The following PCDH7 variants were observed in gnomAD, a reference collection of about 807,000 sequenced individuals.
PCDH7 encodes the protein protocadherin 7.
PCDH7 carries 17 observed loss-of-function variants against 58.9 expected under a neutral mutation model. The observed-to-expected ratio is 0.29, with a 90% CI of 0.20 to 0.43. PCDH7 has a LOEUF of 0.43. Ranked by LOEUF, PCDH7 falls within the 20% of genes least tolerant of loss-of-function variation. The pLI, the probability that PCDH7 is intolerant of heterozygous loss-of-function variation, is 1.00. For missense variants in PCDH7, 1,274 were observed against 1,441.0 expected, an observed-to-expected ratio of 0.88 and a Z score of 1.88; for synonymous variants, 664 against 616.4, an observed-to-expected ratio of 1.08 and a Z score of -1.14.
intron 1 of PCDH7, among the ~76,000 whole-genome samples, chr4:30,881,999 T>C (rs1737031015): frequency 6.6e-6 from 1 of 152,136 alleles, no homozygotes; most frequent in Admixed American, 6.6e-5. Context: ...ACATGAGTCT[T>C]ATTGTAGATG....
At chr4:30,849,647 A>T (rs878861279) in intron 1 of PCDH7, among the ~76,000 whole-genome samples, 1 of 152,098 alleles carries the variant, frequency 6.6e-6, no homozygotes, top group Non-Finnish European at 1.5e-5. Context: ...TTTGTGTGTA[A>T]AATATAAACC....
At chr4:30,904,693 G>A (rs1035921508) in intron 1 of PCDH7, among the ~76,000 whole-genome samples, 7 of 152,236 alleles carry the variant, frequency 4.6e-5, no homozygotes, top group East Asian at 1.9e-4. Flanking sequence ...TATGCTCGGC[G>A]TTGAATATAT....
chr4:30,944,669 A>G (rs1746458519), intron 2 of PCDH7, among the ~76,000 whole-genome samples: 3 of 152,198 alleles, frequency 2.0e-5, no homozygotes, highest in Admixed American at 6.5e-5. Flanking sequence ...TTATTCTAAC[A>G]AACAACTGTA....
intron 1 of PCDH7, among the ~76,000 whole-genome samples, chr4:30,759,917 G>T (rs1719805184): frequency 6.6e-6 from 1 of 152,076 alleles, no homozygotes; most frequent in East Asian, 1.9e-4. Context: ...GTTTCTCTTG[G>T]TTTGGGCTCT....
chr4:31,105,695 A>C (rs1715464160), intron 3 of PCDH7, among the ~76,000 whole-genome samples: 1 of 152,156 alleles, frequency 6.6e-6, no homozygotes, highest in African/African-American at 2.4e-5. Context: ...TCATTCTATG[A>C]ATGTAAGCAC....
intron 3 of PCDH7, among the ~76,000 whole-genome samples, chr4:31,029,577 C>T (rs1257757410): frequency 2.0e-5 from 3 of 152,212 alleles, no homozygotes; most frequent in East Asian, 3.8e-4. Context: ...CAAGTCTTGG[C>T]TCATAGCTCT....
At chr4:31,081,872 A>G (rs1231010119) in intron 3 of PCDH7, among the ~76,000 whole-genome samples, 1 of 151,506 alleles carries the variant, frequency 6.6e-6, no homozygotes, top group Non-Finnish European at 1.5e-5. Context: ...TCCTGGGTTC[A>G]AGCAATTCTG....
intron 1 of PCDH7, among the ~76,000 whole-genome samples, chr4:30,807,497 T>C (rs748942549): frequency 5.3e-5 from 8 of 152,162 alleles, no homozygotes; most frequent in African/African-American, 9.7e-5. Context: ...CGGATGAGGA[T>C]ATTGGGCTTT....
At chr4:30,914,650 A>C (rs932476964) in intron 1 of PCDH7, among the ~76,000 whole-genome samples, 1 of 152,232 alleles carries the variant, frequency 6.6e-6, no homozygotes, top group Non-Finnish European at 1.5e-5. Flanking sequence ...TTTCTTAAAA[A>C]GCATCAAAAC....
At chr4:30,926,016 G>T (rs907048963) in intron 2 of PCDH7, 3 of 152,096 alleles carry the variant, frequency 2.0e-5, no homozygotes, top group Admixed American at 6.5e-5. Flanking sequence ...CTTAGCTTCA[G>T]TTTGTTCAAT....
At chr4:30,860,292 T>C (rs1734030651) in intron 1 of PCDH7, among the ~76,000 whole-genome samples, 1 of 152,098 alleles carries the variant, frequency 6.6e-6, no homozygotes, top group Non-Finnish European at 1.5e-5. Context: ...CCTAAGGGGA[T>C]AAAAGAATTC....
chr4:30,991,658 G>A (rs1261525135), intron 3 of PCDH7, among the ~76,000 whole-genome samples: 1 of 152,080 alleles, frequency 6.6e-6, no homozygotes, highest in Non-Finnish European at 1.5e-5. Flanking sequence ...ATTTGAAATT[G>A]ACACCAAAGA....
rs375802460 is a variant in PCDH7, at chr4:31,076,617, C to T, written c.*8-65856C>T. On this transcript the variant is annotated intron_variant, in intron 3 of 3. Coordinates refer to the PCDH7 transcript ENST00000509759. ...AATTCTAAGAAAGCTACATTTTATT[C>T]TTATTTCTCAAAATCCCCATATGCC... 2.6e-5 allele frequency among the ~76,000 whole-genome samples: 4 copies of T among 152,248 alleles called. No homozygotes were observed. The South Asian group carries it at 8.3e-4, about 32-fold the overall frequency.
At position 31,040,912 on chromosome 4, in the gene PCDH7, GA is replaced by G. The variant is rs528837046; in HGVS notation, c.*7+90709del. Among the ~76,000 whole-genome samples, 347 of 142,810 alleles carry G rather than the reference GA, an allele frequency of 2.4e-3. 2 individuals carry two copies. Among genetic ancestry groups the G allele is most frequent in the South Asian group, 0.02 (91 of 4,572 alleles). The allele number at this position is 142,810 out of a possible 152,430, so 93.7% of individuals were successfully genotyped here. ...ACCATTCAAATGATGTGTGTGCTGA[GA>G]AAAAAAAAAAATCCTGGACCAGAAA... On this transcript the variant is annotated intron_variant, in intron 3 of 3. Transcript: ENST00000509759.
intron 1 of PCDH7, among the ~76,000 whole-genome samples, chr4:30,804,968 G>C (rs956959751): frequency 6.6e-6 from 1 of 152,114 alleles, no homozygotes; most frequent in Non-Finnish European, 1.5e-5. Context: ...CTACTCCACT[G>C]ACGTGGCCCT....
At chr4:31,017,886 T>C (rs960830907) in intron 3 of PCDH7, among the ~76,000 whole-genome samples, 34 of 152,160 alleles carry the variant, frequency 2.2e-4, no homozygotes, top group South Asian at 4.1e-4. Context: ...AATACAGGAC[T>C]TCTTTTTTTT....
At chr4:31,113,581 T>G (rs558015661) in intron 3 of PCDH7, among the ~76,000 whole-genome samples, 6 of 152,268 alleles carry the variant, frequency 3.9e-5, no homozygotes, top group Admixed American at 2.0e-4. Context: ...TACCCATGTA[T>G]AGTCTCACGC....
chr4:30,754,764 CT>C (rs55976051), intron 1 of PCDH7, among the ~76,000 whole-genome samples: 144,937 of 152,004 alleles, frequency 0.95, 69,225 homozygotes, highest in Middle Eastern at 0.99. Context: ...CTTATATGTA[CT>C]TTTTTTTTGA....
chr4:30,938,366 C>A (rs1204819372), intron 2 of PCDH7, among the ~76,000 whole-genome samples: 3 of 151,934 alleles, frequency 2.0e-5, no homozygotes, highest in Non-Finnish European at 2.9e-5. Context: ...ACAAATATTT[C>A]CTGGATCAAC....
Sources: gnomAD v4.1 joint callset for allele counts (sites outside exome capture counted in the v4.1 genomes callset) on GRCh38, gnomAD v4.1.1 for gene constraint, MANE v1.5 for transcripts, NCBI Gene and HGNC (gene_info 2026-07-23, HGNC 2026-07-21) for gene names.